The following DVL2 variants were observed in gnomAD, a reference collection of about 807,000 sequenced individuals.
DVL2 encodes the protein segment polarity protein dishevelled homolog DVL-2.
Under a neutral mutation model 69.8 loss-of-function variants are expected in DVL2, and 38 were observed. The ratio of observed to expected loss-of-function variants is 0.54; its 90% CI spans 0.42 to 0.71. DVL2 has a LOEUF of 0.71. Ranked by LOEUF, DVL2 falls within the 30% of genes least tolerant of loss-of-function variation. The probability of loss-of-function intolerance (pLI) is 0.00; values close to 1 mark genes in which losing one functional copy is unlikely to be tolerated. For synonymous variants in DVL2, 428 were observed against 392.4 expected, an observed-to-expected ratio of 1.09 and a Z score of -1.07; for missense variants, 931 against 1,008.1, an observed-to-expected ratio of 0.92 and a Z score of 1.04.
rs1032135101 is a variant in DVL2 at position 7,229,690 on chromosome 17, T to G, written c.657-12A>C. On this transcript the variant is annotated splice_polypyrimidine_tract_variant and intron_variant, in intron 5 of 14. Transcript: ENST00000005340. This position sits in a 1 kb window ranked among gnomAD's most constrained non-coding sequence, Gnocchi z 4.4. Reference sequence around the variant, plus strand: ...TGGAGCTGCTGAACCTACCAGGAGGTTGGGAAGGAGAGCAAACGTAGGCCA... The same window carrying G: ...TGGAGCTGCTGAACCTACCAGGAGGGTGGGAAGGAGAGCAAACGTAGGCCA... 6.4e-6 allele frequency: 10 copies of G among 1,553,988 alleles called. No individual in the cohort carries two copies. Among genetic ancestry groups the G allele is most frequent in the Non-Finnish European group, 8.7e-6 (10 of 1,147,314 alleles).
Position 7,234,406 on chromosome 17 carries a change from G to A in DVL2, c.-144C>T. ...AGAGAAGCAAAGGGGAAAAAGCACGGATCTGCGAGGGTGGCGGCGGGGGGC... is the reference window on the plus strand; with the variant it reads ...AGAGAAGCAAAGGGGAAAAAGCACGAATCTGCGAGGGTGGCGGCGGGGGGC... On this transcript the variant is annotated 5_prime_UTR_variant, in exon 1 of 15. Transcript: ENST00000005340. 1 of 955,562 alleles carries A rather than the reference G, an allele frequency of 1.0e-6. No individual in the cohort carries two copies. The highest frequency in any genetic ancestry group is 1.5e-6 in the Non-Finnish European group (1 of 671,710). The allele number at this position is 955,562 out of a possible 1,614,324, so 59.2% of individuals were successfully genotyped here.
At chr17:7,228,224 A>C in intron 9 of DVL2, 180 bp from the exon 10 acceptor site, 1 of 550,448 alleles carries the variant, frequency 1.8e-6, no homozygotes, top group Non-Finnish European at 3.3e-6. Flanking sequence ...CAACATGGAA[A>C]ACTCTTAAAA....
At position 7,229,759 on chromosome 17, in the gene DVL2, A is replaced by T; in HGVS notation, c.656+49T>A. 1 of 1,591,094 alleles carries T rather than the reference A, an allele frequency of 6.3e-7. No individual in the cohort carries two copies. Among genetic ancestry groups the T allele is most frequent in the Non-Finnish European group, 8.6e-7 (1 of 1,164,464 alleles). On this transcript the variant is annotated intron_variant, in intron 5 of 14. Transcript: ENST00000005340. The surrounding 1 kb of genome is among the most constrained non-coding windows in gnomAD (Gnocchi z 4.4). Reference sequence around the variant, plus strand: ...GAGAAAGAACAAGAGGATTGACTGGAAGACGAGACGGGGCTGGGTGCGCTG... The same window carrying T: ...GAGAAAGAACAAGAGGATTGACTGGTAGACGAGACGGGGCTGGGTGCGCTG...
Position 7,226,467 on chromosome 17 carries a change from T to G in DVL2, c.1716A>C (p.Ser572=). 1 of 1,559,810 alleles carries G rather than the reference T, an allele frequency of 6.4e-7. No individual in the cohort carries two copies. The change falls in exon 14 of 15, where the codon TCA becomes TCC. Residue 572 remains serine, a synonymous_variant. Coordinates refer to ENST00000005340, the MANE Select transcript of DVL2 (RefSeq NM_004422.3). ...SPQPPPYHEL[S]SYTYGGGSAS... Reference sequence around the variant, plus strand: ...CACTGCCCCCACCATAGGTGTAAGATGAAAGCTCATGGTAGGGTGGAGGCT... The same window carrying G: ...CACTGCCCCCACCATAGGTGTAAGAGGAAAGCTCATGGTAGGGTGGAGGCT...
rs758400019 is a variant in DVL2, at chr17:7,226,537, G to A, written c.1646C>T (p.Pro549Leu). ...LPGATPWPLLPTFSYQYPAPH... is the reference protein window; with the variant it reads ...LPGATPWPLLLTFSYQYPAPH... Reference sequence around the variant, plus strand: ...GGCAGGGTATTGGTAGGAGAAAGTGGGCAGCAGGGGCCAGGGGGTGGCCCC... The same window carrying A: ...GGCAGGGTATTGGTAGGAGAAAGTGAGCAGCAGGGGCCAGGGGGTGGCCCC... Residue 549 changes from proline (P) to leucine (L), a missense_variant, in exon 14 of 15, where the codon CCC (proline) becomes CTC (leucine). Coordinates refer to ENST00000005340, the MANE Select transcript of DVL2 (RefSeq NM_004422.3). The A allele has an allele frequency of 3.1e-6, 5 of 1,609,262 alleles. No individual in the cohort carries two copies. Among genetic ancestry groups the A allele is most frequent in the South Asian group, 2.2e-5 (2 of 90,636 alleles).
Position 7,227,163 on chromosome 17 carries a change from G to A in DVL2, c.1470C>T (p.His490=). The part of the protein sequence containing the change: ...SGLLKAGLIR[H]TVNKITFSEQ... ...CAGAGAAGGTGATCTTGTTGACGGT[G>A]TGTCGGATCAGGCCTGCTTTGAGCA... is the stretch of plus-strand genomic sequence containing the variant. The change falls in exon 13 of 15, where the codon CAC becomes CAT. Residue 490 remains histidine (H), a synonymous_variant. Transcript: ENST00000005340. The A allele has an allele frequency of 1.2e-6, 2 of 1,614,204 alleles. No individual in the cohort carries two copies. Among genetic ancestry groups the A allele is most frequent in the African/African-American group, 1.3e-5 (1 of 75,072 alleles).
In DVL2 at chr17:7,225,596, TAAA is replaced by T. The variant is rs1004841341; in HGVS notation, c.*266_*268del. Reference sequence around the variant, plus strand: ...TTCATATAAAAGAGGAAATGCCTATTAAAAAAGTCCCAAAAATGTAAGAAACTC... The same window carrying T: ...TTCATATAAAAGAGGAAATGCCTATTAAAGTCCCAAAAATGTAAGAAACTC... On this transcript the variant is annotated 3_prime_UTR_variant, in exon 15 of 15. Transcript: ENST00000005340. The T allele has an allele frequency of 2.0e-6, 1 of 509,968 alleles. No individual in the cohort carries two copies. The highest frequency in any genetic ancestry group is 2.0e-5 in the African/African-American group (1 of 51,030). 31.6% of individuals were successfully genotyped at this position (509,968 alleles called of 1,614,324 possible). A position where few individuals can be genotyped will look rare whatever the true frequency, so the allele number is the denominator to read the frequency against.
chr17:7,234,474 C>T lies in DVL2; in HGVS notation c.-212G>A, dbSNP rs1233798909. ...TCAAAGCCCCGGTCTCAGCGGCCGC[C>T]GCGCGCCACCGCCACCGACGCCGCG... On this transcript the variant is annotated 5_prime_UTR_variant, in exon 1 of 15. Coordinates refer to ENST00000005340, the MANE Select transcript of DVL2 (RefSeq NM_004422.3). 5.4e-6 allele frequency: 3 copies of T among 558,792 alleles called. No individual in the cohort carries two copies. Among genetic ancestry groups the T allele is most frequent in the Non-Finnish European group, 9.1e-6 (3 of 330,580 alleles). The allele number at this position is 558,792 out of a possible 1,614,324, so 34.6% of individuals were successfully genotyped here.
At chr17:7,230,860 A>C in intron 1 of DVL2, 63 bp from the exon 2 acceptor site, 1 of 1,306,718 alleles carries the variant, frequency 7.7e-7, no homozygotes, top group Non-Finnish European at 1.1e-6. Context: ...GACCCCCATC[A>C]AACTTTCTCC....
rs768918195 is a variant in DVL2 at position 7,227,769 on chromosome 17, G to A, written c.1117C>T (p.Pro373Ser). ...GACACCCAGGCAGCAGGGTCAATTG[G>A]CTGGATGGGCTCATCTGGGACAAAG... ...FTLPRNEPIQ[P>S]IDPAAWVSHS... The change falls in exon 11 of 15, where the codon CCA (proline) becomes TCA (serine). Residue 373 changes from proline to serine, a missense_variant. Pro to Ser is a moderately conservative substitution (Grantham distance 74). Coordinates refer to ENST00000005340, the MANE Select transcript of DVL2 (RefSeq NM_004422.3). 7 of 1,578,032 alleles carry A rather than the reference G, an allele frequency of 4.4e-6. No individual in the cohort carries two copies. The African/African-American group carries it at 8.1e-5, about 18-fold the overall frequency.
chr17:7,226,953 C>T, intron 13 of DVL2, 137 bp downstream of exon 13: 1 of 878,046 alleles, frequency 1.1e-6, no homozygotes, highest in Non-Finnish European at 1.7e-6. Flanking sequence ...TCGGCCAGTG[C>T]AGGACCTAGT....
chr17:7,230,637 C>T (rs1005214765), intron 2 of DVL2, 91 bp downstream of exon 2: 30 of 1,398,778 alleles, frequency 2.1e-5, no homozygotes, highest in Non-Finnish European at 2.7e-5. Flanking sequence ...GCTGCTAACG[C>T]GCGGCCTGGG....
intron 1 of DVL2, among the ~76,000 whole-genome samples, 168 bp from the exon 2 acceptor site, chr17:7,230,965 C>T (rs2071534275): frequency 6.6e-6 from 1 of 152,164 alleles, no homozygotes; most frequent in Non-Finnish European, 1.5e-5. Flanking sequence ...TAAGAAATCT[C>T]CAAACTCAAT....
At chr17:7,231,576 T>C (rs953358554) in intron 1 of DVL2, among the ~76,000 whole-genome samples, 1 of 149,098 alleles carries the variant, frequency 6.7e-6, no homozygotes, top group Non-Finnish European at 1.5e-5. Flanking sequence ...AAAACACCCA[T>C]TAGAGGCCAG....
intron 1 of DVL2, 103 bp downstream of exon 1, chr17:7,233,956 TCCACCATAGG>T (rs1440217180): frequency 1.7e-6 from 2 of 1,163,478 alleles, no homozygotes; most frequent in Non-Finnish European, 2.5e-6. Context: ...TACAATCTGC[TCCACCATAGG>T]CCAGAAAATC....
intron 9 of DVL2, 198 bp downstream of exon 9, chr17:7,228,771 A>T (rs1010208151): frequency 3.5e-6 from 2 of 572,430 alleles, no homozygotes; most frequent in Admixed American, 6.1e-5. Context: ...TAGTAGAGAC[A>T]CGGTTTCACC....
chr17:7,229,768 C>CG lies in DVL2; in HGVS notation c.656+39dup. 6.3e-7 allele frequency: 1 copy of CG among 1,592,992 alleles called. No individual in the cohort carries two copies. The highest frequency in any genetic ancestry group is 8.6e-7 in the Non-Finnish European group (1 of 1,165,488). Reference sequence around the variant, plus strand: ...CAAGAGGATTGACTGGAAGACGAGACGGGGCTGGGTGCGCTGGGGAGAGCT... The same window carrying CG: ...CAAGAGGATTGACTGGAAGACGAGACGGGGGCTGGGTGCGCTGGGGAGAGCT... On this transcript the variant is annotated intron_variant, in intron 5 of 14. Coordinates refer to ENST00000005340, the MANE Select transcript of DVL2 (RefSeq NM_004422.3). The surrounding 1 kb of genome is among the most constrained non-coding windows in gnomAD (Gnocchi z 4.4).
In DVL2 at chr17:7,230,073, G is replaced by A. The variant is rs909393329; in HGVS notation, c.493C>T (p.Arg165Cys). ...CCATGCTCACTGCTGTCTCTCCTGC[G>A]AGGCCGCTCCCGCCTCAGTGACACT... ...SVVSLRRERPRRRDSSEHGAG... is the reference protein window; with the variant it reads ...SVVSLRRERPCRRDSSEHGAG... The change falls in exon 4 of 15, where the codon CGC becomes TGC. Residue 165 changes from arginine to cysteine, a missense_variant. Arg to Cys is a radical substitution (Grantham distance 180). This residue lies in a region of DVL2 where 555 missense variants were observed against 588.8 expected (regional missense o/e 0.94). Coordinates refer to ENST00000005340, the MANE Select transcript of DVL2 (RefSeq NM_004422.3). The A allele has an allele frequency of 6.8e-6, 11 of 1,613,950 alleles. No individual in the cohort carries two copies. Among genetic ancestry groups the A allele is most frequent in the East Asian group, 4.5e-5 (2 of 44,892 alleles).
At position 7,226,294 on chromosome 17, in the gene DVL2, C is replaced by T. The variant is rs1197074538; in HGVS notation, c.1782G>A (p.Ser594=). The T allele has an allele frequency of 5.7e-6, 9 of 1,575,518 alleles. No individual in the cohort carries two copies. The highest frequency in any genetic ancestry group is 1.9e-5 in the Admixed American group (1 of 53,674). The change falls in exon 15 of 15, where the codon TCG becomes TCA. Residue 594 remains serine, a synonymous_variant. Transcript: ENST00000005340. ...GCCCTGCCCCCCCATCACTCCGTGTCGACCCACTGCTCCGGCTGCCTGTGG... is the reference window on the plus strand; with the variant it reads ...GCCCTGCCCCCCCATCACTCCGTGTTGACCCACTGCTCCGGCTGCCTGTGG... ...QHSEGSRSSG[S]TRSDGGAGRT...
Sources: allele counts gnomAD v4.1 joint callset (sites outside exome capture counted in the v4.1 genomes callset), GRCh38; gene constraint gnomAD v4.1.1; regional missense constraint gnomAD v4.1.1; non-coding constraint Gnocchi (gnomAD v3.1); transcripts MANE v1.5; gene names NCBI Gene and HGNC (gene_info 2026-07-23, HGNC 2026-07-21).